The following SAMD12 variants were observed in gnomAD, a reference collection of about 807,000 sequenced individuals.
The protein encoded by SAMD12 is sterile alpha motif domain containing 12.
A neutral mutation model predicts 15.0 loss-of-function variants in SAMD12; 9 were observed. The ratio of observed to expected loss-of-function variants is 0.60; its 90% CI spans 0.36 to 1.05. The LOEUF (loss-of-function observed/expected upper bound fraction) is 1.05. Among genes scored for constraint, SAMD12 ranks in the 50% least tolerant of loss-of-function variants. The pLI is 0.01. For synonymous variants in SAMD12, 86 were observed against 90.1 expected, an observed-to-expected ratio of 0.96 and a Z score of 0.25; for missense variants, 230 against 234.2, an observed-to-expected ratio of 0.98 and a Z score of 0.12.
intron 4 of SAMD12, among the ~76,000 whole-genome samples, chr8:118,236,112 T>C (rs1323780672): frequency 2.6e-5 from 4 of 152,212 alleles, no homozygotes; most frequent in African/African-American, 9.6e-5. Context: ...TTCGCAGTTA[T>C]GAGTAGCTCT....
At chr8:118,508,483 C>T (rs1280988561) in intron 2 of SAMD12, among the ~76,000 whole-genome samples, 1 of 151,892 alleles carries the variant, frequency 6.6e-6, no homozygotes, top group Non-Finnish European at 1.5e-5. Flanking sequence ...TAGGAAGTGA[C>T]CATTTTCACA....
the SAMD12 span, among the ~76,000 whole-genome samples, chr8:118,168,041 C>T: frequency 6.6e-6 from 1 of 152,178 alleles, no homozygotes; most frequent in Non-Finnish European, 1.5e-5. Context: ...CTTTCCCATG[C>T]TATTCTCGTG....
At chr8:118,478,689 T>G (rs1824036863) in intron 2 of SAMD12, among the ~76,000 whole-genome samples, 1 of 152,220 alleles carries the variant, frequency 6.6e-6, no homozygotes, top group Admixed American at 6.5e-5. Flanking sequence ...ACCACCACTC[T>G]GGGCTGCCTC....
chr8:118,593,303 C>T (rs1402817118), intron 1 of SAMD12, among the ~76,000 whole-genome samples: 1 of 151,936 alleles, frequency 6.6e-6, no homozygotes, highest in African/African-American at 2.4e-5. Context: ...TTCAATGGAG[C>T]CATTGATAAG....
intron 2 of SAMD12, among the ~76,000 whole-genome samples, chr8:118,567,534 T>A (rs1353411695): frequency 6.6e-6 from 1 of 152,168 alleles, no homozygotes; most frequent in Non-Finnish European, 1.5e-5. Flanking sequence ...GTTAGACATG[T>A]GAATACTTAC....
At chr8:118,213,728 C>A (rs1276591851) in intron 4 of SAMD12, among the ~76,000 whole-genome samples, 2 of 152,094 alleles carry the variant, frequency 1.3e-5, no homozygotes, top group South Asian at 2.1e-4. Flanking sequence ...AAGAGCAGAA[C>A]CTGGAAGACA....
In SAMD12 at chr8:118,621,943, C is replaced by A. The variant is rs775650283; in HGVS notation, c.-127G>T. ...CTTATCTGCTCCAGGACCAACCTGC[C>A]GCGGTCACGCAAAGCGAGGCAGCCG... On this transcript the variant is annotated 5_prime_UTR_variant, in exon 1 of 4. Transcript: ENST00000314727. 6.8e-6 allele frequency: 8 copies of A among 1,178,690 alleles called. No homozygotes were observed. The highest frequency in any genetic ancestry group is 5.1e-6 in the Non-Finnish European group (4 of 787,350). The allele number at this position is 1,178,690 out of a possible 1,614,324, so 73.0% of individuals were successfully genotyped here.
intron 2 of SAMD12, among the ~76,000 whole-genome samples, chr8:118,491,788 C>T (rs959016161): frequency 6.6e-6 from 1 of 152,158 alleles, no homozygotes; most frequent in Non-Finnish European, 1.5e-5. Context: ...AATCTTTTCT[C>T]TTTAAGCTGT....
At chr8:118,148,135 G>A in the SAMD12 span, among the ~76,000 whole-genome samples, 1 of 151,800 alleles carries the variant, frequency 6.6e-6, no homozygotes, top group African/African-American at 2.4e-5. Context: ...TCACCATGTT[G>A]GCCAGGCTAG....
At chr8:118,263,699 A>G (rs1813135912) in intron 4 of SAMD12, among the ~76,000 whole-genome samples, 1 of 152,122 alleles carries the variant, frequency 6.6e-6, no homozygotes, top group Non-Finnish European at 1.5e-5. Flanking sequence ...ACATGAGAGG[A>G]GCCTATGTGA....
chr8:118,366,881 T>TAATAAAATAAAATAAAATAA, intron 4 of SAMD12, among the ~76,000 whole-genome samples: 1 of 52,356 alleles, frequency 1.9e-5, no homozygotes, highest in African/African-American at 6.2e-5. Flanking sequence ...TAAAATAAAA[T>TAATAAAATAAAATAAAATAA]AATAAAATAA....
intron 2 of SAMD12, among the ~76,000 whole-genome samples, chr8:118,458,074 T>G (rs1312599625): frequency 6.6e-6 from 1 of 152,216 alleles, no homozygotes; most frequent in Non-Finnish European, 1.5e-5. Context: ...CTCTCCCATT[T>G]GACAAACATC....
At chr8:118,597,527 G>C (rs1827753750) in intron 1 of SAMD12, among the ~76,000 whole-genome samples, 1 of 152,170 alleles carries the variant, frequency 6.6e-6, no homozygotes. Flanking sequence ...CCCAAGCTAG[G>C]GATGCAATCC....
chr8:118,294,076 C>T (rs1814571840), intron 4 of SAMD12, among the ~76,000 whole-genome samples: 1 of 152,224 alleles, frequency 6.6e-6, no homozygotes, highest in Admixed American at 6.5e-5. Context: ...TGATGGCAGC[C>T]TGCTGTCATG....
chr8:118,373,605 T>C (rs2130689777), downstream of SAMD12, among the ~76,000 whole-genome samples: 1 of 152,266 alleles, frequency 6.6e-6, no homozygotes, highest in South Asian at 2.1e-4. Flanking sequence ...ATTTGGACAA[T>C]GTGAAAAAAG....
At chr8:118,496,338 A>G (rs1199967981) in intron 2 of SAMD12, among the ~76,000 whole-genome samples, 1 of 152,214 alleles carries the variant, frequency 6.6e-6, no homozygotes, top group African/African-American at 2.4e-5. Context: ...AGGCTACAGA[A>G]ATCAAAATAG....
intron 2 of SAMD12, among the ~76,000 whole-genome samples, chr8:118,447,993 G>A (rs931094538): frequency 6.6e-6 from 1 of 152,092 alleles, no homozygotes; most frequent in Non-Finnish European, 1.5e-5. Context: ...CTCCCAAAGT[G>A]CTGGGATTAC....
intron 2 of SAMD12, among the ~76,000 whole-genome samples, chr8:118,467,921 C>T (rs753009495): frequency 6.6e-6 from 1 of 152,176 alleles, no homozygotes; most frequent in Non-Finnish European, 1.5e-5. Flanking sequence ...GCATTATGGA[C>T]CACGAGTGCA....
rs530854744 is a variant in SAMD12 at position 118,269,683 on chromosome 8, G to A, written c.434-71951C>T. On this transcript the variant is annotated intron_variant, in intron 4 of 4. Coordinates refer to the SAMD12 transcript ENST00000409003. ...GGATGCAATGAGGTGGAAGCAAGAC[G>A]TTTTATTCAATCAGGTTTTTGGTCT... Among the ~76,000 whole-genome samples, 11 of 152,246 alleles carry A rather than the reference G, an allele frequency of 7.2e-5. No homozygotes were observed. The South Asian group carries it at 1.9e-3, about 26-fold the overall frequency.
Sources: allele counts gnomAD v4.1 joint callset (sites outside exome capture counted in the v4.1 genomes callset), GRCh38; gene constraint gnomAD v4.1.1; transcripts MANE v1.5; gene names NCBI Gene and HGNC (gene_info 2026-07-23, HGNC 2026-07-21).